Variants in PDE11A observed in about 807,000 individuals in gnomAD.
PDE11A encodes the protein phosphodiesterase 11A.
In PDE11A, 100 loss-of-function variants were observed where a neutral mutation model predicts 100.5. That is an observed-to-expected ratio of 1.00 (90% CI 0.85 to 1.18). PDE11A has a LOEUF of 1.18. PDE11A is among the 50% of genes most tolerant of loss of function. The probability of loss-of-function intolerance (pLI) is 0.00; values close to 1 mark genes in which losing one functional copy is unlikely to be tolerated. For missense variants in PDE11A, 1,141 were observed against 1,152.6 expected (o/e 0.99, Z 0.15); for synonymous variants, 381 against 420.8 (o/e 0.91, Z 1.16).
intron 2 of PDE11A, among the ~76,000 whole-genome samples, chr2:177,916,927 ATTTTTTT>A (rs1183483256): frequency 6.4e-4 from 67 of 105,310 alleles, no homozygotes; most frequent in Middle Eastern, 5.9e-3. Flanking sequence ...CGCCCGGCTA[ATTTTTTT>A]TTTTTTTTTT....
chr2:177,816,039 C>T (rs2083032453), intron 9 of PDE11A, among the ~76,000 whole-genome samples: 1 of 152,004 alleles, frequency 6.6e-6, no homozygotes, highest in Non-Finnish European at 1.5e-5. Context: ...AGTGAAACCT[C>T]ATCTCTGCTA....
At chr2:177,914,555 G>T (rs1279903698) in intron 2 of PDE11A, among the ~76,000 whole-genome samples, 1 of 152,096 alleles carries the variant, frequency 6.6e-6, no homozygotes, top group African/African-American at 2.4e-5. Context: ...GTTGTTTTGA[G>T]CTGCTGTTTG....
chr2:177,878,435 C>T (rs55962659), intron 4 of PDE11A, among the ~76,000 whole-genome samples: 31,860 of 151,968 alleles, frequency 0.21, 3,510 homozygotes, highest in Middle Eastern at 0.26. Flanking sequence ...ACAGCTTCTG[C>T]CTTGCCTGAT....
intron 9 of PDE11A, among the ~76,000 whole-genome samples, chr2:177,780,905 G>T (rs545896534): frequency 1.3e-5 from 2 of 152,162 alleles, no homozygotes; most frequent in Non-Finnish European, 2.9e-5. Context: ...CAAAAAGGCT[G>T]TTTCACTTTC....
Position 177,945,909 on chromosome 2 carries a change from C to G in PDE11A, c.1072-40722G>C, listed in dbSNP as rs1380821192. 7.7e-5 allele frequency among the ~76,000 whole-genome samples: 11 copies of G among 143,348 alleles called. No individual in the cohort carries two copies. The South Asian group carries it at 1.8e-3, about 24-fold the overall frequency. 94.0% of individuals were successfully genotyped at this position (143,348 alleles called of 152,430 possible). A position where few individuals can be genotyped will look rare whatever the true frequency, so the allele number is the denominator to read the frequency against. ...CAGCCCCCTGCCCGGCCAGCCGCCCCGTCCGGGAGGTGAGGGGTGCCTCTG... is the reference window on the plus strand; with the variant it reads ...CAGCCCCCTGCCCGGCCAGCCGCCCGGTCCGGGAGGTGAGGGGTGCCTCTG... On this transcript the variant is annotated intron_variant, in intron 2 of 19. Transcript: ENST00000286063.
chr2:177,776,902 G>A (rs898649004), intron 9 of PDE11A, among the ~76,000 whole-genome samples: 2 of 152,122 alleles, frequency 1.3e-5, no homozygotes, highest in African/African-American at 2.4e-5. Flanking sequence ...CCTGGTGGGA[G>A]GTAACTGAAG....
chr2:177,852,689 C>T (rs1420758678), intron 5 of PDE11A, among the ~76,000 whole-genome samples: 2 of 152,124 alleles, frequency 1.3e-5, no homozygotes, highest in Admixed American at 6.5e-5. Flanking sequence ...TTAAGTATAT[C>T]TTTGAAGGTT....
chr2:177,749,706 G>C (rs1356576335), intron 10 of PDE11A, among the ~76,000 whole-genome samples: 1 of 152,048 alleles, frequency 6.6e-6, no homozygotes. Context: ...ACTAATGATA[G>C]TAATAATGGT....
At chr2:177,681,584 T>C (rs922195601) in intron 15 of PDE11A, among the ~76,000 whole-genome samples, 7 of 152,256 alleles carry the variant, frequency 4.6e-5, no homozygotes, top group African/African-American at 1.2e-4. Flanking sequence ...TGTAGCATAG[T>C]GTCTCAACAT....
intron 1 of PDE11A, among the ~76,000 whole-genome samples, chr2:178,037,795 C>A (rs917182316): frequency 6.6e-6 from 1 of 152,138 alleles, no homozygotes; most frequent in South Asian, 2.1e-4. Context: ...ACCACATGTT[C>A]TCACTCATAA....
chr2:177,833,034 T>A (rs989126016), intron 6 of PDE11A, among the ~76,000 whole-genome samples: 2 of 152,176 alleles, frequency 1.3e-5, no homozygotes, highest in Non-Finnish European at 2.9e-5. Context: ...AAACTTTCAA[T>A]CCTGCTCTAA....
At chr2:177,963,089 C>G (rs1821628) in intron 2 of PDE11A, among the ~76,000 whole-genome samples, 85,511 of 152,034 alleles carry the variant, frequency 0.56, 26,720 homozygotes, top group African/African-American at 0.84. Flanking sequence ...TAAATAAAAT[C>G]TGGCAGTCAG....
intron 1 of PDE11A, among the ~76,000 whole-genome samples, chr2:178,023,692 G>A (rs2086442138): frequency 6.6e-6 from 1 of 152,148 alleles, no homozygotes; most frequent in Non-Finnish European, 1.5e-5. Flanking sequence ...ATGTAATTAT[G>A]TTTCCTGAAC....
intron 1 of PDE11A, among the ~76,000 whole-genome samples, chr2:178,048,637 G>A (rs1054555399): frequency 2.0e-5 from 3 of 152,082 alleles, no homozygotes; most frequent in African/African-American, 4.8e-5. Flanking sequence ...TCAGTTCCTC[G>A]ATGCTGTAAT....
At chr2:177,701,463 A>G (rs16865670) in intron 13 of PDE11A, among the ~76,000 whole-genome samples, 2,605 of 152,276 alleles carry the variant, frequency 0.017, 67 homozygotes, top group African/African-American at 0.059. Flanking sequence ...TGAATTTGAC[A>G]CAGTCTCTGC....
chr2:177,931,724 C>G (rs1380301120), intron 2 of PDE11A, among the ~76,000 whole-genome samples: 1 of 151,934 alleles, frequency 6.6e-6, no homozygotes, highest in Non-Finnish European at 1.5e-5. Flanking sequence ...AACGATCTGA[C>G]ATCACACCTA....
intron 1 of PDE11A, among the ~76,000 whole-genome samples, chr2:178,031,124 T>C (rs1412071728): frequency 2.6e-5 from 4 of 152,194 alleles, no homozygotes; most frequent in Non-Finnish European, 4.4e-5. Context: ...CTCTGCATTC[T>C]CTTATTATTT....
chr2:177,829,342 CT>C (rs1350168662), intron 6 of PDE11A, among the ~76,000 whole-genome samples: 3 of 151,932 alleles, frequency 2.0e-5, no homozygotes, highest in African/African-American at 7.3e-5. Context: ...TCTCTGTTTA[CT>C]TTTTTCTTGT....
intron 2 of PDE11A, among the ~76,000 whole-genome samples, chr2:177,907,754 CT>C (rs2084813256): frequency 6.6e-6 from 1 of 152,132 alleles, no homozygotes; most frequent in African/African-American, 2.4e-5. Context: ...CAATATCTCC[CT>C]CTAGACAGAG....
Sources: gnomAD v4.1 joint callset for allele counts (sites outside exome capture counted in the v4.1 genomes callset) on GRCh38, gnomAD v4.1.1 for gene constraint, MANE v1.5 for transcripts, NCBI Gene and HGNC (gene_info 2026-07-23, HGNC 2026-07-21) for gene names.